SLC9D1: variants seen among roughly 807,000 people sequenced by gnomAD.
The protein encoded by SLC9D1 is putative LAG1-interacting protein.
chr13:113,547,065 A>G, the SLC9D1 span: 1 of 524,172 alleles, frequency 1.9e-6, no homozygotes, highest in East Asian at 3.4e-5. Context: ...TGTTGCAGGG[A>G]GTGGAGCTGG....
chr13:113,509,473 T>A, the SLC9D1 span, among the ~76,000 whole-genome samples: 5 of 142,508 alleles, frequency 3.5e-5, no homozygotes, highest in Non-Finnish European at 6.2e-5. Context: ...GGCAGGCTTC[T>A]TGGGTGGGCT....
chr13:113,496,885 T>C, the SLC9D1 span, among the ~76,000 whole-genome samples: 1 of 152,226 alleles, frequency 6.6e-6, no homozygotes, highest in African/African-American at 2.4e-5. Flanking sequence ...TGAAGATACA[T>C]TGGTAAGGTC....
the SLC9D1 span, among the ~76,000 whole-genome samples, chr13:113,507,075 G>C: frequency 6.6e-6 from 1 of 152,076 alleles, no homozygotes; most frequent in Non-Finnish European, 1.5e-5. Context: ...GCTGACATCT[G>C]ATTGAGTGGG....
the SLC9D1 span, among the ~76,000 whole-genome samples, chr13:113,522,410 GGCTCACTGCAA>G: frequency 3.9e-5 from 6 of 152,162 alleles, no homozygotes; most frequent in Non-Finnish European, 8.8e-5. Context: ...GCACGATCTG[GGCTCACTGCAA>G]GCTCCGCCTC....
chr13:113,549,256 A>AC, the SLC9D1 span, among the ~76,000 whole-genome samples: 19 of 147,010 alleles, frequency 1.3e-4, no homozygotes, highest in African/African-American at 3.0e-4. Context: ...TCCATCCCCC[A>AC]CCCCCCCGTG....
chr13:113,492,518 ACAC>A, the SLC9D1 span, among the ~76,000 whole-genome samples: 1 of 152,222 alleles, frequency 6.6e-6, no homozygotes, highest in Non-Finnish European at 1.5e-5. Flanking sequence ...GTGTGAATCT[ACAC>A]CTGTGTGTCT....
At chr13:113,498,287 A>T in the SLC9D1 span, 1 of 1,297,016 alleles carries the variant, frequency 7.7e-7, no homozygotes, top group East Asian at 2.6e-5. Flanking sequence ...TAAGAAAGTC[A>T]TGTCCTAGCT....
At chr13:113,542,681 G>A in the SLC9D1 span, among the ~76,000 whole-genome samples, 22 of 152,318 alleles carry the variant, frequency 1.4e-4, no homozygotes, top group African/African-American at 5.3e-4. Context: ...ATTTGAGAGG[G>A]TGGAATCACA....
chr13:113,501,120 A>G, the SLC9D1 span, among the ~76,000 whole-genome samples: 2 of 152,182 alleles, frequency 1.3e-5, no homozygotes, highest in African/African-American at 2.4e-5. Context: ...GGACACCAGC[A>G]CTGAGAGTTT....
the SLC9D1 span, among the ~76,000 whole-genome samples, chr13:113,543,109 G>GT: frequency 1.8e-5 from 1 of 55,364 alleles, no homozygotes; most frequent in African/African-American, 7.4e-5. Flanking sequence ...TCCTCCCCCT[G>GT]CCCCCAGCCC....
At chr13:113,505,014 G>A in the SLC9D1 span, 2 of 152,246 alleles carry the variant, frequency 1.3e-5, no homozygotes, top group African/African-American at 4.8e-5. Flanking sequence ...GGAGGAGTAA[G>A]GTATTGCATT....
chr13:113,546,132 C>T, the SLC9D1 span, among the ~76,000 whole-genome samples: 1 of 152,130 alleles, frequency 6.6e-6, no homozygotes, highest in African/African-American at 2.4e-5. The surrounding 1 kb of genome is among the most constrained non-coding windows in gnomAD (Gnocchi z 7.1). Context: ...GAGCTTGTCT[C>T]AGTTGTGCCG....
At chr13:113,520,144 T>G in the SLC9D1 span, among the ~76,000 whole-genome samples, 4 of 152,204 alleles carry the variant, frequency 2.6e-5, no homozygotes, top group South Asian at 4.1e-4. Context: ...TTTTTAATCT[T>G]AAAATGCTTC....
At chr13:113,520,188 A>T in the SLC9D1 span, among the ~76,000 whole-genome samples, 1 of 152,222 alleles carries the variant, frequency 6.6e-6, no homozygotes, top group African/African-American at 2.4e-5. Context: ...GTCTATTCTT[A>T]AAAATGTAAA....
At chr13:113,522,939 A>T in the SLC9D1 span, among the ~76,000 whole-genome samples, 2 of 152,094 alleles carry the variant, frequency 1.3e-5, no homozygotes, top group Non-Finnish European at 2.9e-5. Context: ...CTTCTTTTTT[A>T]GCTAGTTGAC....
At chr13:113,518,329 C>T in the SLC9D1 span, among the ~76,000 whole-genome samples, 2 of 152,138 alleles carry the variant, frequency 1.3e-5, no homozygotes, top group African/African-American at 4.8e-5. Context: ...CGGGGTCCTG[C>T]ATCAGGGACC....
At chr13:113,499,925 G>T in the SLC9D1 span, 2 of 1,315,712 alleles carry the variant, frequency 1.5e-6, no homozygotes. Context: ...GCATTTAATG[G>T]ATTTTAATTG....
the SLC9D1 span, among the ~76,000 whole-genome samples, chr13:113,497,909 A>G: frequency 1.1e-4 from 17 of 152,356 alleles, no homozygotes; most frequent in African/African-American, 3.4e-4. Flanking sequence ...TGGTTTCTAC[A>G]TGTGTTTTGG....
the SLC9D1 span, chr13:113,501,782 C>T: frequency 6.2e-7 from 1 of 1,610,036 alleles, no homozygotes; most frequent in African/African-American, 1.3e-5. Flanking sequence ...GCTGTCCTTG[C>T]CTTGTGGCTG....
Sources: allele counts gnomAD v4.1 joint callset (sites outside exome capture counted in the v4.1 genomes callset), GRCh38; gene constraint gnomAD v4.1.1; non-coding constraint Gnocchi (gnomAD v3.1); transcripts MANE v1.5; gene names NCBI Gene and HGNC (gene_info 2026-07-23, HGNC 2026-07-21).